PFKP: variants seen among roughly 807,000 people sequenced by gnomAD.
PFKP encodes the protein ATP-dependent 6-phosphofructokinase, platelet type.
In PFKP, 101 loss-of-function variants were observed where a neutral mutation model predicts 94.3. The ratio of observed to expected loss-of-function variants is 1.07; its 90% confidence interval spans 0.91 to 1.26. PFKP has a LOEUF of 1.26. Among genes scored for constraint, PFKP ranks in the 50% most tolerant of loss-of-function variants. PFKP has a pLI of 0.00. For synonymous variants in PFKP, 573 were observed against 432.6 expected, an observed-to-expected ratio of 1.32 and a Z score of -4.03; for missense variants, 1,145 against 1,103.3, an observed-to-expected ratio of 1.04 and a Z score of -0.53.
intron 19 of PFKP, 89 bp downstream of exon 19, chr10:3,133,403 AATG>A: frequency 1.2e-6 from 1 of 852,962 alleles, no homozygotes; most frequent in South Asian, 1.3e-5. Context: ...TGTGGGGAAA[AATG>A]TATAAGTAAA....
Position 3,103,767 on chromosome 10 carries a change from C to G in PFKP, c.455-12C>G, listed in dbSNP as rs1835252260. The G allele has an allele frequency of 1.2e-6, 2 of 1,613,516 alleles. No homozygotes were observed. Among genetic ancestry groups the G allele is most frequent in the South Asian group, 2.2e-5 (2 of 91,080 alleles). On this transcript the variant is annotated splice_polypyrimidine_tract_variant and intron_variant, in intron 4 of 21. Coordinates refer to ENST00000381125, the MANE Select transcript of PFKP (RefSeq NM_002627.5). The stretch of plus-strand genomic sequence containing the variant: ...TTACGGCGATGAGACGTGCTGTTTG[C>G]TCCCCGCGCAGGCCAGATCGATAAG...
At chr10:3,076,329 C>T (rs533322371) in intron 1 of PFKP, among the ~76,000 whole-genome samples, 6 of 152,046 alleles carry the variant, frequency 3.9e-5, no homozygotes, top group Non-Finnish European at 5.9e-5. Flanking sequence ...AGGGGAGGGC[C>T]GACACTGTCC....
chr10:3,123,036 G>A (rs1212649706), intron 16 of PFKP, among the ~76,000 whole-genome samples: 3 of 152,170 alleles, frequency 2.0e-5, no homozygotes, highest in South Asian at 2.1e-4. Context: ...GTGCGTCCTC[G>A]TCCTCTCTCA....
Position 3,110,365 on chromosome 10 carries a change from ATTTTTTTTTTTTT to A in PFKP, c.1089+897_1089+909del, listed in dbSNP as rs57980780. Among the ~76,000 whole-genome samples the A allele has an allele frequency of 7.3e-4, 68 of 92,578 alleles. 1 individual carries two copies. In the South Asian group the frequency reaches 0.018, roughly 24 times the overall value. The allele number at this position is 92,578 out of a possible 152,430, so 60.7% of individuals were successfully genotyped here. Reference sequence around the variant, plus strand: ...AGGTGCCCACCACCACGCCTGGCTAATTTTTTTTTTTTTTTTTTTTTTTTGTATTTTTAGTAGA... The same window carrying A: ...AGGTGCCCACCACCACGCCTGGCTAATTTTTTTTTTTGTATTTTTAGTAGA... On this transcript the variant is annotated intron_variant, in intron 10 of 21. Transcript: ENST00000381125.
At chr10:3,129,594 G>C in intron 16 of PFKP, 2 of 535,048 alleles carry the variant, frequency 3.7e-6, no homozygotes, top group Non-Finnish European at 6.6e-6. Context: ...GGGACATCGA[G>C]GTCACCTCCA....
intron 17 of PFKP, 77 bp from the exon 18 acceptor site, chr10:3,132,303 C>A: frequency 9.3e-7 from 1 of 1,072,750 alleles, no homozygotes. Flanking sequence ...GTTGGCACTT[C>A]CCAGCCTGCA....
chr10:3,101,765 G>C (rs534004843), intron 4 of PFKP, among the ~76,000 whole-genome samples: 75 of 152,280 alleles, frequency 4.9e-4, no homozygotes, highest in African/African-American at 1.7e-3. Context: ...GGCACCCTTC[G>C]ACCTTTCACA....
intron 16 of PFKP, among the ~76,000 whole-genome samples, chr10:3,126,215 T>G (rs747534723): frequency 1.3e-5 from 2 of 152,196 alleles, no homozygotes; most frequent in Non-Finnish European, 2.9e-5. Flanking sequence ...AGAGGAGCCA[T>G]GAGGTCGGCT....
Position 3,129,835 on chromosome 10 carries a change from A to G in PFKP, c.1700A>G (p.Lys567Arg), listed in dbSNP as rs1159961557. ...TGTGACCAGACCTGCGACCGCATCA[A>G]GCAGTCCGCCAGCGGAACCAAGCGG... ...NTITDTCDRI[K>R]QSASGTKRRV... Residue 567 changes from lysine to arginine, a missense_variant, in exon 17 of 22, where the codon AAG becomes AGG. Physicochemically the swap from Lys to Arg is conservative, Grantham distance 26. Coordinates refer to ENST00000381125, the MANE Select transcript of PFKP (RefSeq NM_002627.5). The G allele has an allele frequency of 6.2e-7, 1 of 1,613,546 alleles. No individual in the cohort carries two copies. The highest frequency in any genetic ancestry group is 8.5e-7 in the Non-Finnish European group (1 of 1,179,968).
chr10:3,101,054 T>A, intron 3 of PFKP: 1 of 1,408,724 alleles, frequency 7.1e-7, no homozygotes, highest in Non-Finnish European at 1.0e-6. Context: ...CGTTGGCCGG[T>A]GCTGAGGCGG....
intron 11 of PFKP, 88 bp from the exon 12 acceptor site, chr10:3,113,031 C>A: frequency 1.7e-6 from 2 of 1,167,820 alleles, no homozygotes; most frequent in Non-Finnish European, 2.5e-6. Flanking sequence ...ACATTGAGTG[C>A]TGGCAGATAA....
At chr10:3,130,946 G>C (rs1194311838) in intron 17 of PFKP, among the ~76,000 whole-genome samples, 2 of 152,168 alleles carry the variant, frequency 1.3e-5, no homozygotes, top group Non-Finnish European at 2.9e-5. Context: ...TGTGACATGT[G>C]AATCACGAAT....
chr10:3,127,634 C>T (rs1838104421), intron 16 of PFKP, among the ~76,000 whole-genome samples: 1 of 152,170 alleles, frequency 6.6e-6, no homozygotes, highest in Non-Finnish European at 1.5e-5. Flanking sequence ...ACAGTGCAAC[C>T]CTCAGAATTC....
At chr10:3,087,824 C>T (rs967211276) in intron 2 of PFKP, among the ~76,000 whole-genome samples, 3 of 152,074 alleles carry the variant, frequency 2.0e-5, no homozygotes, top group African/African-American at 4.8e-5. Flanking sequence ...CAGGCACCTA[C>T]CTCTGGGCGT....
intron 4 of PFKP, among the ~76,000 whole-genome samples, chr10:3,102,120 G>T (rs980504746): frequency 1.3e-5 from 2 of 149,262 alleles, no homozygotes; most frequent in African/African-American, 4.9e-5. Flanking sequence ...GCGTAGTGGC[G>T]GGCGCCTGTA....
rs367989707 is a variant in PFKP, at chr10:3,096,926, A to G, written c.187-2349A>G. On this transcript the variant is annotated intron_variant, in intron 2 of 21. Coordinates refer to ENST00000381125, the MANE Select transcript of PFKP (RefSeq NM_002627.5). ...ACCCCGTCTCTACTAAAAATACAAAAAATTAGCCGGGCGTGGTGGCGGGTG... is the reference window on the plus strand; with the variant it reads ...ACCCCGTCTCTACTAAAAATACAAAGAATTAGCCGGGCGTGGTGGCGGGTG... Among the ~76,000 whole-genome samples the G allele has an allele frequency of 7.4e-3, 895 of 121,680 alleles. 147 individuals carry two copies. Among genetic ancestry groups the G allele is most frequent in the African/African-American group, 0.028 (865 of 31,120 alleles). 79.8% of individuals were successfully genotyped at this position (121,680 alleles called of 152,430 possible).
chr10:3,069,851 A>T (rs1455654657), intron 1 of PFKP, among the ~76,000 whole-genome samples: 1 of 152,236 alleles, frequency 6.6e-6, no homozygotes, highest in Non-Finnish European at 1.5e-5. Context: ...TGAGATTAGG[A>T]TACATTGGCA....
In PFKP at chr10:3,101,398, G is replaced by C; in HGVS notation, c.298G>C (p.Ala100Pro). The change falls in exon 4 of 22, where the codon GCC becomes CCC. Residue 100 changes from alanine to proline, a missense_variant. This residue lies in a region of PFKP where 1,119 missense variants were observed against 1,062.8 expected (regional missense o/e 1.05). Transcript: ENST00000381125. ...GTIIGSARCQAFRTREGRLKA... is the reference protein window; with the variant it reads ...GTIIGSARCQPFRTREGRLKA... ...GATCATTGGCAGTGCGCGGTGCCAG[G>C]CCTTCCGCACGCGGGAAGGCCGCCT... 6.2e-7 allele frequency: 1 copy of C among 1,600,318 alleles called. No homozygotes were observed. Among genetic ancestry groups the C allele is most frequent in the Non-Finnish European group, 8.5e-7 (1 of 1,174,018 alleles).
rs901594893 is a variant in PFKP, at chr10:3,135,613, G to A, written c.2123-123G>A. On this transcript the variant is annotated intron_variant, in intron 20 of 21. Transcript: ENST00000381125. ...TGCGCGGCTGTTCTCAGTCTCACTG[G>A]GCTTCCAGGCCGGGTTCAGCATGGT... 4 of 629,932 alleles carry A rather than the reference G, an allele frequency of 6.3e-6. No homozygotes were observed. The Admixed American group carries it at 1.1e-4, about 17-fold the overall frequency. 39.0% of individuals were successfully genotyped at this position (629,932 alleles called of 1,614,324 possible). A position where few individuals can be genotyped will look rare whatever the true frequency, so the allele number is the denominator to read the frequency against.
Sources: allele counts gnomAD v4.1 joint callset (sites outside exome capture counted in the v4.1 genomes callset), GRCh38; gene constraint gnomAD v4.1.1; regional missense constraint gnomAD v4.1.1; transcripts MANE v1.5; gene names NCBI Gene and HGNC (gene_info 2026-07-23, HGNC 2026-07-21).